TNRC6C: variants seen among roughly 807,000 people sequenced by gnomAD.
The protein encoded by TNRC6C is trinucleotide repeat containing adaptor 6C, also known as trinucleotide repeat-containing gene 6C protein.
TNRC6C carries 20 observed loss-of-function variants against 153.7 expected under a neutral mutation model. The ratio of observed to expected loss-of-function variants is 0.13; its 90% CI spans 0.09 to 0.19. The LOEUF (loss-of-function observed/expected upper bound fraction) is 0.19. Ranked by LOEUF, TNRC6C falls within the 10% of genes least tolerant of loss-of-function variation. The pLI, the probability that TNRC6C is intolerant of heterozygous loss-of-function variation, is 1.00. For missense variants in TNRC6C, 1,987 were observed against 2,172.0 expected, an observed-to-expected ratio of 0.91 and a Z score of 1.69; for synonymous variants, 811 against 841.4, an observed-to-expected ratio of 0.96 and a Z score of 0.63.
At chr17:78,082,698 C>G (rs1012409121) in intron 10 of TNRC6C, among the ~76,000 whole-genome samples, 1 of 152,142 alleles carries the variant, frequency 6.6e-6, no homozygotes, top group African/African-American at 2.4e-5. Context: ...CCCCAAGGGT[C>G]GCATTCCATT....
chr17:78,039,497 A>G (rs1413437816), intron 2 of TNRC6C, among the ~76,000 whole-genome samples: 1 of 152,224 alleles, frequency 6.6e-6, no homozygotes, highest in African/African-American at 2.4e-5. Flanking sequence ...GCATGCAAAA[A>G]TAAGTCCTAG....
chr17:78,088,902 C>T (rs1217108075), intron 13 of TNRC6C, among the ~76,000 whole-genome samples: 1 of 146,038 alleles, frequency 6.8e-6, no homozygotes, highest in Admixed American at 6.9e-5. Flanking sequence ...CTTCAGCTTT[C>T]TATTATTCAC....
At chr17:78,039,374 C>G (rs1182374482) in intron 2 of TNRC6C, among the ~76,000 whole-genome samples, 1 of 139,148 alleles carries the variant, frequency 7.2e-6, no homozygotes, top group Non-Finnish European at 1.5e-5. Context: ...GTGTCACCTT[C>G]TTGCCGTCAC....
chr17:78,003,781 T>C (rs1338692646), upstream of TNRC6C, among the ~76,000 whole-genome samples: 1 of 152,110 alleles, frequency 6.6e-6, no homozygotes, highest in East Asian at 1.9e-4. Context: ...AAATAAAGCA[T>C]GGCCAGGCTT....
Position 78,104,031 on chromosome 17 carries a change from C to T in TNRC6C, c.4713-454C>T, listed in dbSNP as rs2073644385. 6.6e-6 allele frequency among the ~76,000 whole-genome samples: 1 copy of T among 152,164 alleles called. No homozygotes were observed. The highest frequency in any genetic ancestry group is 1.5e-5 in the Non-Finnish European group (1 of 68,034). On this transcript the variant is annotated intron_variant, in intron 19 of 19. Transcript: ENST00000301624. The surrounding 1 kb of genome is among the most constrained non-coding windows in gnomAD (Gnocchi z 6.2). The stretch of plus-strand genomic sequence containing the variant: ...CTTGGGACTTACTGGTTTTTTTCTG[C>T]TGCTGAGTTGCTGTGTCTACTCCCT...
chr17:77,968,140 C>G (rs1034636408), intron 1 of TNRC6C, among the ~76,000 whole-genome samples: 4 of 152,208 alleles, frequency 2.6e-5, no homozygotes, highest in African/African-American at 9.7e-5. Context: ...TCAAGCGATT[C>G]TCCTCCCTCA....
At chr17:78,072,871 T>C (rs2073022273) in intron 6 of TNRC6C, among the ~76,000 whole-genome samples, 166 bp from the exon 9 acceptor site, 1 of 152,224 alleles carries the variant, frequency 6.6e-6, no homozygotes, top group South Asian at 2.1e-4. Context: ...TTATTACAAG[T>C]ATTTTTAATT....
At chr17:77,973,262 GA>G (rs146652374) in intron 1 of TNRC6C, among the ~76,000 whole-genome samples, 4,213 of 152,168 alleles carry the variant, frequency 0.028, 179 homozygotes, top group African/African-American at 0.096. Context: ...AATAAATGCA[GA>G]AAAAGCATTT....
At chr17:77,959,061 ACGCGCCGCCGCCCACTCGCC>A (rs1293083875), upstream of TNRC6C, among the ~76,000 whole-genome samples, 1 of 138,860 alleles carries the variant, frequency 7.2e-6, no homozygotes, top group African/African-American at 2.7e-5. Flanking sequence ...ACCTGCCGGG[ACGCGCCGCCGCCCACTCGCC>A]CGCGCCGCCG....
intron 6 of TNRC6C, among the ~76,000 whole-genome samples, chr17:78,071,819 A>C (rs2073003081): frequency 6.6e-6 from 1 of 152,238 alleles, no homozygotes; most frequent in Non-Finnish European, 1.5e-5. Flanking sequence ...AACTTGATGT[A>C]AAGTACTAAG....
chr17:78,081,700 C>A (rs2073183756), intron 10 of TNRC6C, among the ~76,000 whole-genome samples: 1 of 152,186 alleles, frequency 6.6e-6, no homozygotes, highest in African/African-American at 2.4e-5. Flanking sequence ...CACACCACTT[C>A]CAGTCACATC....
chr17:78,012,339 T>TGAGGGTG (rs2071648834), intron 1 of TNRC6C, among the ~76,000 whole-genome samples: 1 of 151,994 alleles, frequency 6.6e-6, no homozygotes, highest in Non-Finnish European at 1.5e-5. Flanking sequence ...GGGTTCTCCT[T>TGAGGGTG]GAGGGTGGAG....
intron 1 of TNRC6C, among the ~76,000 whole-genome samples, chr17:78,015,784 C>T (rs1203465735): frequency 1.3e-5 from 2 of 152,118 alleles, no homozygotes; most frequent in East Asian, 1.9e-4. Context: ...TGGTGGTGGG[C>T]GCCTGTGATC....
chr17:78,010,818 A>T (rs1476828968), intron 1 of TNRC6C, among the ~76,000 whole-genome samples: 1 of 152,266 alleles, frequency 6.6e-6, no homozygotes, highest in Non-Finnish European at 1.5e-5. Flanking sequence ...AAAAAATATT[A>T]AGATGAGACA....
At chr17:77,981,056 G>T (rs1336571017) in intron 1 of TNRC6C, among the ~76,000 whole-genome samples, 1 of 152,108 alleles carries the variant, frequency 6.6e-6, no homozygotes, top group African/African-American at 2.4e-5. Flanking sequence ...GCTCACTGCA[G>T]CCTCAACCTC....
Position 78,049,151 on chromosome 17 carries a change from G to A in TNRC6C, c.89G>A (p.Ser30Asn), listed in dbSNP as rs1241350914. The A allele has an allele frequency of 5.0e-6, 8 of 1,611,188 alleles. No individual in the cohort carries two copies. The highest frequency in any genetic ancestry group is 3.3e-4 in the Middle Eastern group (2 of 6,046). ...GGCACCAATGGCGCACTCGTCCAAA[G>A]CCCTTCTAATCAGAGTGCCCTTGGA... Residue 30 changes from serine to asparagine, a missense_variant, in exon 3 of 20, where the codon AGC (serine) becomes AAC (asparagine). Ser to Asn is a conservative substitution (Grantham distance 46). Around this residue, in one of 4 missense-constraint regions of TNRC6C, gnomAD observed 1,052 missense variants for 1,017.0 expected, o/e 1.03. Transcript: ENST00000301624. This position sits in a 1 kb window ranked among gnomAD's most constrained non-coding sequence, Gnocchi z 4.1.
chr17:78,077,621 C>T (rs1298711808), intron 9 of TNRC6C: 7 of 454,664 alleles, frequency 1.5e-5, no homozygotes, highest in Admixed American at 3.7e-5. Flanking sequence ...TGATGTGTTG[C>T]ACAGTGGTCT....
At chr17:77,974,051 GA>G (rs931775125) in intron 1 of TNRC6C, among the ~76,000 whole-genome samples, 2 of 143,586 alleles carry the variant, frequency 1.4e-5, no homozygotes, top group African/African-American at 5.2e-5. Flanking sequence ...GGGAGGGAGG[GA>G]GGGGGAGGGG....
intron 10 of TNRC6C, among the ~76,000 whole-genome samples, chr17:78,080,913 A>G (rs543186343): frequency 1.3e-5 from 2 of 152,212 alleles, no homozygotes; most frequent in Non-Finnish European, 2.9e-5. Context: ...ATCTTCTATT[A>G]TTCATAAAAT....
Sources: gnomAD v4.1 joint callset for allele counts (sites outside exome capture counted in the v4.1 genomes callset) on GRCh38, gnomAD v4.1.1 for gene constraint, gnomAD v4.1.1 regional missense constraint, Gnocchi (gnomAD v3.1) non-coding constraint, MANE v1.5 for transcripts, NCBI Gene and HGNC (gene_info 2026-07-23, HGNC 2026-07-21) for gene names.